Variants in RIN2 observed in about 807,000 individuals in gnomAD.
The protein encoded by RIN2 is Ras and Rab interactor 2, also known as RAB5 interacting protein 2.
In RIN2, 36 loss-of-function variants were observed where a neutral mutation model predicts 78.0. That is an observed-to-expected ratio of 0.46 (90% CI 0.35 to 0.61). The LOEUF (loss-of-function observed/expected upper bound fraction) is 0.61. Ranked by LOEUF, RIN2 falls within the 20% of genes least tolerant of loss-of-function variation. The pLI is 0.00. For synonymous variants in RIN2, 466 were observed against 466.8 expected, an observed-to-expected ratio of 1.00 and a Z score of 0.02; for missense variants, 1,087 against 1,159.7, an observed-to-expected ratio of 0.94 and a Z score of 0.91.
intron 3 of RIN2, among the ~76,000 whole-genome samples, chr20:19,912,585 T>C (rs1478081259): frequency 6.6e-6 from 1 of 151,098 alleles, no homozygotes; most frequent in Non-Finnish European, 1.5e-5. Context: ...TTCAAACGAT[T>C]CCACTGTCTC....
At position 19,864,490 on chromosome 20, in the gene RIN2, C is replaced by T. The variant is rs73901312; in HGVS notation, c.-36-25076C>T. 8.3e-3 allele frequency among the ~76,000 whole-genome samples: 1,264 copies of T among 152,216 alleles called. 21 individuals carry two copies. Among genetic ancestry groups the T allele is most frequent in the African/African-American group, 0.029 (1,197 of 41,522 alleles). ...TTCCTTCCTGACTTCACCAAAGTCC[C>T]TCCTCCAAAGCAGACAGCATGGAAT... On this transcript the variant is annotated intron_variant, in intron 2 of 12. Coordinates refer to ENST00000255006, the MANE Select transcript of RIN2 (RefSeq NM_018993.4).
At chr20:19,977,953 G>C (rs753179697) in intron 9 of RIN2, among the ~76,000 whole-genome samples, 2 of 152,090 alleles carry the variant, frequency 1.3e-5, no homozygotes, top group African/African-American at 2.4e-5. Context: ...GACAGTGCTA[G>C]GCTTTTGAAA....
chr20:19,940,876 C>T (rs2040843757), intron 4 of RIN2, among the ~76,000 whole-genome samples: 1 of 152,218 alleles, frequency 6.6e-6, no homozygotes, highest in African/African-American at 2.4e-5. Context: ...TCAGGCGGAA[C>T]AGAGGGATCC....
chr20:19,990,260 C>G lies in RIN2; in HGVS notation c.2017C>G (p.Leu673Val), dbSNP rs767099425. The G allele has an allele frequency of 6.2e-7, 1 of 1,612,926 alleles. No homozygotes were observed. The highest frequency in any genetic ancestry group is 8.5e-7 in the Non-Finnish European group (1 of 1,179,216). The change falls in exon 10 of 13, where the codon CTG becomes GTG. Residue 673 changes from leucine (L) to valine (V), a missense_variant. Coordinates refer to ENST00000255006, the MANE Select transcript of RIN2 (RefSeq NM_018993.4). ...GTATTCGCCGGAAAAGAAGGTCATGCTGCTGCTGCGGGTCTGCAAGCTCAT... is the reference window on the plus strand; with the variant it reads ...GTATTCGCCGGAAAAGAAGGTCATGGTGCTGCTGCGGGTCTGCAAGCTCAT... ...KMYSPEKKVM[L>V]LLRVCKLIYT... is the part of the protein sequence containing the mutation.
At chr20:19,923,425 T>TAAATAAAATAAATAAAATA in intron 3 of RIN2, among the ~76,000 whole-genome samples, 2 of 125,306 alleles carry the variant, frequency 1.6e-5, no homozygotes, top group East Asian at 4.7e-4. Flanking sequence ...CAAAATAAAA[T>TAAATAAAATAAATAAAATA]AAATAAAATA....
chr20:19,778,027 A>C (rs1436417529), intron 1 of RIN2, among the ~76,000 whole-genome samples: 1 of 152,278 alleles, frequency 6.6e-6, no homozygotes, highest in Admixed American at 6.5e-5. Flanking sequence ...GGAAAAAAGC[A>C]TGCCTTTGTT....
At chr20:19,771,494 C>T (rs1225806868) in intron 1 of RIN2, among the ~76,000 whole-genome samples, 2 of 152,210 alleles carry the variant, frequency 1.3e-5, no homozygotes, top group Non-Finnish European at 2.9e-5. Context: ...AAGCACACTT[C>T]CCCTGGGCTG....
At chr20:19,867,908 G>A (rs529617373) in intron 2 of RIN2, among the ~76,000 whole-genome samples, 105 of 152,190 alleles carry the variant, frequency 6.9e-4, no homozygotes, top group African/African-American at 1.1e-3. Flanking sequence ...TGGGTGAGCC[G>A]GCCTGCTCTC....
At chr20:19,875,676 A>G (rs1261875692) in intron 2 of RIN2, among the ~76,000 whole-genome samples, 2 of 152,218 alleles carry the variant, frequency 1.3e-5, no homozygotes, top group Non-Finnish European at 2.9e-5. Context: ...GGGAAGCAGA[A>G]TGCTGGTGCA....
At chr20:19,765,086 G>C (rs1326363719) in intron 1 of RIN2, among the ~76,000 whole-genome samples, 8 of 151,902 alleles carry the variant, frequency 5.3e-5, no homozygotes, top group Admixed American at 5.3e-4. Context: ...CTGACCTAAA[G>C]TGATCCACCT....
chr20:19,827,400 C>T (rs1275430790), intron 2 of RIN2, among the ~76,000 whole-genome samples: 2 of 152,204 alleles, frequency 1.3e-5, no homozygotes, highest in Non-Finnish European at 2.9e-5. Flanking sequence ...TAAGATACAC[C>T]ATCTTGCAAA....
At chr20:19,973,141 ACCAAGTT>A (rs1280688549) in intron 8 of RIN2, among the ~76,000 whole-genome samples, 1 of 152,244 alleles carries the variant, frequency 6.6e-6, no homozygotes, top group Non-Finnish European at 1.5e-5. Context: ...GATTCTCATA[ACCAAGTT>A]CCAAAGATAC....
At chr20:19,766,268 C>G (rs985462241) in intron 1 of RIN2, among the ~76,000 whole-genome samples, 1 of 152,172 alleles carries the variant, frequency 6.6e-6, no homozygotes, top group Non-Finnish European at 1.5e-5. Context: ...TAATGTCTTT[C>G]CCTAAACAGT....
At chr20:19,866,775 C>T (rs1376594575) in intron 2 of RIN2, among the ~76,000 whole-genome samples, 1 of 152,098 alleles carries the variant, frequency 6.6e-6, no homozygotes, top group Non-Finnish European at 1.5e-5. Flanking sequence ...CAGGCAGGCA[C>T]CACCACACCA....
At chr20:19,763,300 AT>A (rs1170684628) in intron 1 of RIN2, among the ~76,000 whole-genome samples, 1 of 152,118 alleles carries the variant, frequency 6.6e-6, no homozygotes, top group Non-Finnish European at 1.5e-5. Context: ...AGGCAGGAGA[AT>A]CCCCTGAACC....
chr20:19,934,214 G>A (rs1227210830), intron 3 of RIN2, among the ~76,000 whole-genome samples: 3 of 152,070 alleles, frequency 2.0e-5, no homozygotes, highest in Admixed American at 6.6e-5. Context: ...ATTTAATAAC[G>A]CTTATTTTAA....
chr20:19,976,153 T>C (rs1328521871), intron 9 of RIN2, among the ~76,000 whole-genome samples: 2 of 152,230 alleles, frequency 1.3e-5, no homozygotes, highest in Admixed American at 1.3e-4. Context: ...TGTTATCTTC[T>C]GAGAGGCAGT....
At chr20:19,992,337 T>C in intron 11 of RIN2, 38 bp downstream of exon 11, 1 of 1,515,224 alleles carries the variant, frequency 6.6e-7, no homozygotes, top group Non-Finnish European at 8.9e-7. Flanking sequence ...AACTGGGTGC[T>C]ATTTTTTTCA....
chr20:19,854,630 C>T (rs981624107), intron 2 of RIN2, among the ~76,000 whole-genome samples: 5 of 152,120 alleles, frequency 3.3e-5, no homozygotes, highest in Non-Finnish European at 5.9e-5. Context: ...GTATTTTGTT[C>T]TCTTTGAAGC....
Sources: allele counts gnomAD v4.1 joint callset (sites outside exome capture counted in the v4.1 genomes callset), GRCh38; gene constraint gnomAD v4.1.1; transcripts MANE v1.5; gene names NCBI Gene and HGNC (gene_info 2026-07-23, HGNC 2026-07-21).